Variants in AKAP10 observed in about 807,000 individuals in gnomAD.
AKAP10 encodes the protein A-kinase anchoring protein 10, also known as A-kinase anchor protein 10, mitochondrial.
AKAP10 carries 24 observed loss-of-function variants against 80.8 expected under a neutral mutation model. That is an observed-to-expected ratio of 0.30 (90% CI 0.22 to 0.42). The LOEUF (loss-of-function observed/expected upper bound fraction) is 0.42, where lower values mean the gene tolerates loss of function less well. Among genes scored for constraint, AKAP10 ranks in the 10% least tolerant of loss-of-function variants. The pLI is 1.00. For synonymous variants in AKAP10, 291 were observed against 277.7 expected, an observed-to-expected ratio of 1.05 and a Z score of -0.48; for missense variants, 661 against 794.9, an observed-to-expected ratio of 0.83 and a Z score of 2.03.
intron 12 of AKAP10, among the ~76,000 whole-genome samples, chr17:19,912,970 T>C (rs2042706043): frequency 6.6e-6 from 1 of 150,524 alleles, no homozygotes; most frequent in Non-Finnish European, 1.5e-5. Context: ...CATTCCTCAA[T>C]TTCTTTCTTT....
intron 1 of AKAP10, among the ~76,000 whole-genome samples, chr17:19,974,892 C>T (rs951710978): frequency 5.9e-5 from 9 of 152,062 alleles, no homozygotes; most frequent in Admixed American, 5.2e-4. Context: ...AGGTTGATCT[C>T]GAACTGGCCT....
At chr17:19,928,507 T>A (rs550112117) in intron 10 of AKAP10, among the ~76,000 whole-genome samples, 2 of 152,246 alleles carry the variant, frequency 1.3e-5, no homozygotes, top group East Asian at 3.9e-4. Context: ...CGGAAAACAA[T>A]CTGGCAGTTT....
intron 1 of AKAP10, among the ~76,000 whole-genome samples, chr17:19,971,033 T>C (rs2043490608): frequency 6.6e-6 from 1 of 151,792 alleles, no homozygotes; most frequent in South Asian, 2.1e-4. Flanking sequence ...CTTTCTGTTG[T>C]TGAGATGGGG....
intron 4 of AKAP10, among the ~76,000 whole-genome samples, chr17:19,951,498 G>T (rs1382310007): frequency 6.6e-6 from 1 of 150,746 alleles, no homozygotes; most frequent in Non-Finnish European, 1.5e-5. Context: ...GATTGTTACT[G>T]TGTCTGTGTA....
chr17:19,973,507 A>T (rs1026988865), intron 1 of AKAP10, among the ~76,000 whole-genome samples: 2 of 152,220 alleles, frequency 1.3e-5, no homozygotes, highest in East Asian at 3.8e-4. Context: ...AGATCAGTCT[A>T]TCTTTTCCCA....
chr17:19,912,595 G>A (rs917449614), intron 12 of AKAP10, among the ~76,000 whole-genome samples: 4 of 152,106 alleles, frequency 2.6e-5, no homozygotes, highest in Non-Finnish European at 5.9e-5. Context: ...ACACGTGCCT[G>A]TAATCTCAGC....
In AKAP10 at chr17:19,954,308, A is replaced by G. The variant is rs147651824; in HGVS notation, c.877+3706T>C. The stretch of plus-strand genomic sequence containing the variant: ...AAAAACAGGCCTAGACAAATATGGC[A>G]AAAGTACAAAGGCAATTCAATGGAG... On this transcript the variant is annotated intron_variant, in intron 4 of 14. Transcript: ENST00000225737. Among the ~76,000 whole-genome samples the G allele has an allele frequency of 4.6e-5, 7 of 152,316 alleles. No individual in the cohort carries two copies. In the East Asian group the frequency reaches 1.2e-3, roughly 25 times the overall value.
intron 8 of AKAP10, among the ~76,000 whole-genome samples, chr17:19,936,967 G>A (rs2042998843): frequency 6.6e-6 from 1 of 152,092 alleles, no homozygotes; most frequent in Non-Finnish European, 1.5e-5. Flanking sequence ...GATAGAACAG[G>A]ACTTACTGAT....
At position 19,958,566 on chromosome 17, in the gene AKAP10, A is replaced by T. The variant is rs2043310959; in HGVS notation, c.325T>A (p.Ser109Thr). Residue 109 changes from serine (S) to threonine (T), a missense_variant, in exon 4 of 15, where the codon TCT becomes ACT. Coordinates refer to ENST00000225737, the MANE Select transcript of AKAP10 (RefSeq NM_007202.4). ...TCTTGAGTCTGGTAGTCCAGACAAG[A>T]TCTGCCTAAAAGATAGAAGCAAAAG... ...EAAHFGDLGR[S>T]CLDYQTQETK... is the part of the protein sequence containing the mutation. 1 of 1,593,488 alleles carries T rather than the reference A, an allele frequency of 6.3e-7. No individual in the cohort carries two copies. Among genetic ancestry groups the T allele is most frequent in the Admixed American group, 1.7e-5 (1 of 57,906 alleles).
intron 10 of AKAP10, among the ~76,000 whole-genome samples, chr17:19,928,823 T>C (rs1435106021): frequency 2.0e-5 from 3 of 152,074 alleles, no homozygotes; most frequent in East Asian, 1.9e-4. Flanking sequence ...TGAGCCGAGA[T>C]TGTGCCACTG....
chr17:19,974,724 G>A (rs1174764722), intron 1 of AKAP10, among the ~76,000 whole-genome samples: 1 of 148,632 alleles, frequency 6.7e-6, no homozygotes, highest in African/African-American at 2.5e-5. Flanking sequence ...TTTTTTTTGA[G>A]ACAAGATCTC....
chr17:19,959,737 A>T (rs1194926455), intron 3 of AKAP10, among the ~76,000 whole-genome samples: 2 of 152,246 alleles, frequency 1.3e-5, no homozygotes, highest in Non-Finnish European at 2.9e-5. Flanking sequence ...TGAGGGTTTC[A>T]TCAATTTGTC....
chr17:19,939,762 G>T lies in AKAP10; in HGVS notation c.1273C>A (p.Gln425Lys). 3 of 1,613,766 alleles carry T rather than the reference G, an allele frequency of 1.9e-6. No individual in the cohort carries two copies. Among genetic ancestry groups the T allele is most frequent in the Non-Finnish European group, 2.5e-6 (3 of 1,179,934 alleles). Residue 425 changes from glutamine to lysine, a missense_variant, in exon 8 of 15, where the codon CAA becomes AAA. By Grantham distance (53) the Gln-to-Lys change is moderately conservative. Transcript: ENST00000225737. ...TTCTGTGCCTCCTGTCCATCATATT[G>T]GCCCTTTTTGGCAGCAAGCTGAGAC... ...FQSQLAAKKG[Q>K]YDGQEAQNDA...
rs1464522730 is a variant in AKAP10 at position 19,905,158 on chromosome 17, C to G, written c.*1069G>C. 1 of 151,932 alleles carries G rather than the reference C, an allele frequency of 6.6e-6. No homozygotes were observed. Among genetic ancestry groups the G allele is most frequent in the Non-Finnish European group, 1.5e-5 (1 of 67,996 alleles). The allele number at this position is 151,932 out of a possible 1,614,324, so 9.4% of individuals were successfully genotyped here. A position where few individuals can be genotyped will look rare whatever the true frequency, so the allele number is the denominator to read the frequency against. On this transcript the variant is annotated 3_prime_UTR_variant, in exon 15 of 15. Coordinates refer to ENST00000225737, the MANE Select transcript of AKAP10 (RefSeq NM_007202.4). ...GGAGTGTGCTCACCAACTGGGCAGT[C>G]CTGCTGATGGCTGTGTGATCCCGAT... is the stretch of plus-strand genomic sequence containing the variant.
At chr17:19,941,106 T>TA in intron 6 of AKAP10, 96 bp from the exon 7 acceptor site, 2 of 1,345,848 alleles carry the variant, frequency 1.5e-6, no homozygotes, top group Non-Finnish European at 2.0e-6. Context: ...TATTGTATCT[T>TA]AAAGGCCTAG....
chr17:19,926,472 G>GA (rs933405073), intron 10 of AKAP10, among the ~76,000 whole-genome samples: 4 of 151,538 alleles, frequency 2.6e-5, no homozygotes, highest in African/African-American at 9.7e-5. Flanking sequence ...GTTCTAGCCA[G>GA]AAAAAAAACT....
At chr17:19,939,319 A>G (rs1434855992) in intron 8 of AKAP10, among the ~76,000 whole-genome samples, 4 of 152,092 alleles carry the variant, frequency 2.6e-5, no homozygotes, top group Non-Finnish European at 2.9e-5. Flanking sequence ...CACTCCTTTG[A>G]TTATCTAAAC....
intron 2 of AKAP10, among the ~76,000 whole-genome samples, chr17:19,964,818 G>A (rs1015477536): frequency 5.3e-5 from 8 of 152,200 alleles, no homozygotes; most frequent in African/African-American, 1.4e-4. Context: ...ACTCGAACCC[G>A]AGAGGCAGAG....
At chr17:19,943,318 C>T (rs2043069065) in intron 5 of AKAP10, among the ~76,000 whole-genome samples, 1 of 152,168 alleles carries the variant, frequency 6.6e-6, no homozygotes, top group South Asian at 2.1e-4. Context: ...CCAGAAAGAC[C>T]AAGGCAGAAT....
Sources: allele counts gnomAD v4.1 joint callset (sites outside exome capture counted in the v4.1 genomes callset), GRCh38; gene constraint gnomAD v4.1.1; transcripts MANE v1.5; gene names NCBI Gene and HGNC (gene_info 2026-07-23, HGNC 2026-07-21).